The following YLPM1 variants were observed in gnomAD, a reference collection of about 807,000 sequenced individuals.
YLPM1 encodes YLP motif containing 1.
YLPM1 carries 99 observed loss-of-function variants against 230.0 expected under a neutral mutation model. The observed-to-expected ratio is 0.43, with a 90% CI of 0.37 to 0.51. The LOEUF (loss-of-function observed/expected upper bound fraction) is 0.51, where lower values mean the gene tolerates loss of function less well. Ranked by LOEUF, YLPM1 falls within the 20% of genes least tolerant of loss-of-function variation. The pLI, the probability that YLPM1 is intolerant of heterozygous loss-of-function variation, is 0.00. For missense variants in YLPM1, 2,592 were observed against 2,707.7 expected, an observed-to-expected ratio of 0.96 and a Z score of 0.95; for synonymous variants, 984 against 942.5, an observed-to-expected ratio of 1.04 and a Z score of -0.81.
chr14:74,778,262 G>A (rs1004804409), intron 1 of YLPM1, among the ~76,000 whole-genome samples, 185 bp from the exon 2 acceptor site: 4 of 152,120 alleles, frequency 2.6e-5, no homozygotes, highest in Non-Finnish European at 4.4e-5. Flanking sequence ...TTTGGGGGAG[G>A]AACTGAAATT....
intron 5 of YLPM1, 59 bp from the exon 6 acceptor site, chr14:74,802,497 G>A: frequency 6.6e-7 from 1 of 1,522,398 alleles, no homozygotes; most frequent in South Asian, 1.3e-5. Flanking sequence ...ATTAATTGTA[G>A]TCACTTAGGA....
intron 4 of YLPM1, among the ~76,000 whole-genome samples, chr14:74,794,904 A>G (rs753867897): frequency 1.3e-5 from 2 of 152,190 alleles, no homozygotes; most frequent in Non-Finnish European, 2.9e-5. Context: ...TACTCATTCC[A>G]TATTCCCTTT....
Position 74,786,316 on chromosome 14 carries a change from C to T in YLPM1, c.2282+3991C>T, listed in dbSNP as rs1387716024. Among the ~76,000 whole-genome samples the T allele has an allele frequency of 2.8e-5, 4 of 142,014 alleles. No individual in the cohort carries two copies. The East Asian group carries it at 8.7e-4, about 31-fold the overall frequency. The allele number at this position is 142,014 out of a possible 152,430, so 93.2% of individuals were successfully genotyped here. A position where few individuals can be genotyped will look rare whatever the true frequency, so the allele number is the denominator to read the frequency against. On this transcript the variant is annotated intron_variant, in intron 4 of 20. Transcript: ENST00000325680. The stretch of plus-strand genomic sequence containing the variant: ...GGCGGAGGTTGCAGTGAGCCAAGAT[C>T]GTGCCACTCTACTCCATCCTGGGTG...
In YLPM1 at chr14:74,817,005, T is replaced by C; in HGVS notation, c.5760T>C (p.Thr1920=). ...GCATGTTCAAAACTTTCAAAAAGAC[T>C]CTGGATGATGGCTTTTTTCCCTTCA... ...RTSMFKTFKK[T]LDDGFFPFII... Residue 1920 remains threonine (T), a synonymous_variant, in exon 14 of 21, where the codon ACT becomes ACC. Coordinates refer to ENST00000325680, the MANE Select transcript of YLPM1 (RefSeq NM_019589.3). The C allele has an allele frequency of 6.2e-7, 1 of 1,610,636 alleles. No individual in the cohort carries two copies. Among genetic ancestry groups the C allele is most frequent in the Non-Finnish European group, 8.5e-7 (1 of 1,178,878 alleles).
chr14:74,823,420 A>G (rs2091538430), intron 17 of YLPM1, among the ~76,000 whole-genome samples: 1 of 152,150 alleles, frequency 6.6e-6, no homozygotes, highest in African/African-American at 2.4e-5. Flanking sequence ...GTAAAAGCAT[A>G]TACTTGCTAG....
At chr14:74,823,670 C>T (rs920144204) in intron 17 of YLPM1, among the ~76,000 whole-genome samples, 19 of 151,972 alleles carry the variant, frequency 1.3e-4, no homozygotes, top group African/African-American at 3.9e-4. Flanking sequence ...TAAAATTAGC[C>T]GTTGTATGCT....
At position 74,799,456 on chromosome 14, in the gene YLPM1, C is replaced by T. The variant is rs750937358; in HGVS notation, c.4159C>T (p.Arg1387Ter). Reference sequence around the variant, plus strand: ...AAGAGGAGATACATGGCGGGAAAAGCGAGATTATGTTCCTGACAGAATGGA... The same window carrying T: ...AAGAGGAGATACATGGCGGGAAAAGTGAGATTATGTTCCTGACAGAATGGA... ...PERGDTWREK[R>*]DYVPDRMDWE... Residue 1387 changes from arginine (R) to a stop codon, truncating the protein, a stop_gained, in exon 5 of 21, where the codon CGA becomes TGA. Transcript: ENST00000325680. LOFTEE classifies it high-confidence loss of function. The T allele has an allele frequency of 1.9e-6, 3 of 1,613,820 alleles. No homozygotes were observed. Among genetic ancestry groups the T allele is most frequent in the East Asian group, 2.2e-5 (1 of 44,870 alleles).
intron 4 of YLPM1, among the ~76,000 whole-genome samples, chr14:74,797,148 A>ATTTTTTT (rs71303895): frequency 9.9e-6 from 1 of 100,796 alleles, no homozygotes; most frequent in Non-Finnish European, 1.9e-5. Context: ...AAATTTTTGT[A>ATTTTTTT]TTTTTTTTTT....
intron 5 of YLPM1, among the ~76,000 whole-genome samples, chr14:74,801,588 G>A (rs1440600876): frequency 2.6e-5 from 4 of 152,078 alleles, no homozygotes; most frequent in Non-Finnish European, 5.9e-5. Flanking sequence ...TCTACAGCAG[G>A]GGCCATAAAT....
chr14:74,816,478 T>G, intron 12 of YLPM1, 93 bp from the exon 13 acceptor site: 1 of 1,443,766 alleles, frequency 6.9e-7, no homozygotes, highest in Non-Finnish European at 9.3e-7. Flanking sequence ...CACCAGAAGA[T>G]TGTATATTAT....
intron 1 of YLPM1, among the ~76,000 whole-genome samples, chr14:74,766,636 ATTTTT>A (rs34932979): frequency 1.8e-5 from 2 of 110,348 alleles, no homozygotes; most frequent in African/African-American, 3.5e-5. Context: ...ATGCCTGGCT[ATTTTT>A]TTTTTTTTTT....
Position 74,781,797 on chromosome 14 carries a change from C to T in YLPM1, c.1754C>T (p.Ala585Val), listed in dbSNP as rs376681612. 8.1e-6 allele frequency: 13 copies of T among 1,612,844 alleles called. No individual in the cohort carries two copies. In the African/African-American group the frequency reaches 1.5e-4, roughly 18 times the overall value. The stretch of plus-strand genomic sequence containing the variant: ...GGGATGCCTCCTTCTCTCTCTTCTG[C>T]AGGGCCACCACCAGTTCTCCCCCCA... ...PPGMPPSLSSAGPPPVLPPPS... is the reference protein window; with the variant it reads ...PPGMPPSLSSVGPPPVLPPPS... The change falls in exon 4 of 21, where the codon GCA becomes GTA. Residue 585 changes from alanine (A) to valine (V), a missense_variant. By Grantham distance (64) the Ala-to-Val change is moderately conservative (BLOSUM62 0). Around this residue, in one of 4 missense-constraint regions of YLPM1, gnomAD observed 1,862 missense variants for 1,819.8 expected, o/e 1.02. Coordinates refer to ENST00000325680, the MANE Select transcript of YLPM1 (RefSeq NM_019589.3).
rs574987817 is a variant in YLPM1 at position 74,763,382 on chromosome 14, G to A, written c.-108G>A. 4.5e-6 allele frequency: 6 copies of A among 1,329,966 alleles called. No individual in the cohort carries two copies. Among genetic ancestry groups the A allele is most frequent in the South Asian group, 1.9e-5 (1 of 51,956 alleles). The allele number at this position is 1,329,966 out of a possible 1,614,324, so 82.4% of individuals were successfully genotyped here. ...GCGCGCTCCGTTTACACGCTCCGGG[G>A]CCTGTAGGCGCCGCGAGTTCCGGCT... On this transcript the variant is annotated 5_prime_UTR_variant, in exon 1 of 21. Transcript: ENST00000325680.
intron 4 of YLPM1, among the ~76,000 whole-genome samples, chr14:74,785,564 A>G (rs576296071): frequency 5.6e-4 from 85 of 152,346 alleles, no homozygotes; most frequent in Non-Finnish European, 1.0e-3. Flanking sequence ...GACTGAGGTA[A>G]GAATAATCTA....
intron 11 of YLPM1, 28 bp downstream of exon 11, chr14:74,812,810 C>G (rs967330026): frequency 2.5e-6 from 4 of 1,600,386 alleles, no homozygotes; most frequent in Non-Finnish European, 3.4e-6. Context: ...GATTCGTCTT[C>G]GTGCAAACCA....
chr14:74,816,753 G>A (rs2091481377), intron 13 of YLPM1, 63 bp downstream of exon 13: 1 of 1,526,144 alleles, frequency 6.6e-7, no homozygotes, highest in Admixed American at 2.2e-5. Context: ...AAATGTGTTT[G>A]GAGAGAAATG....
Position 74,798,327 on chromosome 14 carries a change from A to T in YLPM1, c.3030A>T (p.Leu1010Phe). 1 of 1,614,020 alleles carries T rather than the reference A, an allele frequency of 6.2e-7. No homozygotes were observed. The highest frequency in any genetic ancestry group is 8.5e-7 in the Non-Finnish European group (1 of 1,179,892). ...GGCCAGATAATAGAGATAATAGATT[A>T]GAAGGCAATAGAGGCAACAGCTCAT... Reference protein sequence around the residue: ...LPRPDNRDNRLEGNRGNSSSY... With the variant: ...LPRPDNRDNRFEGNRGNSSSY... Residue 1010 changes from leucine (L) to phenylalanine (F), a missense_variant, in exon 5 of 21, where the codon TTA (leucine) becomes TTT (phenylalanine). By Grantham distance (22) the Leu-to-Phe change is conservative. Coordinates refer to ENST00000325680, the MANE Select transcript of YLPM1 (RefSeq NM_019589.3).
At chr14:74,784,125 C>A (rs2091123188) in intron 4 of YLPM1, among the ~76,000 whole-genome samples, 1 of 152,170 alleles carries the variant, frequency 6.6e-6, no homozygotes, top group Non-Finnish European at 1.5e-5. Flanking sequence ...GATCTGGTAA[C>A]TAATTTGCTA....
intron 4 of YLPM1, among the ~76,000 whole-genome samples, chr14:74,793,043 T>G (rs889907811): frequency 5.3e-5 from 8 of 152,350 alleles, no homozygotes; most frequent in Middle Eastern, 3.4e-3. Context: ...TTCTATCACA[T>G]TGTGTAGGTG....
Sources: gnomAD v4.1 joint callset for allele counts (sites outside exome capture counted in the v4.1 genomes callset) on GRCh38, gnomAD v4.1.1 for gene constraint, gnomAD v4.1.1 regional missense constraint, MANE v1.5 for transcripts, NCBI Gene and HGNC (gene_info 2026-07-23, HGNC 2026-07-21) for gene names.